The following SYT1 variants were observed in gnomAD, a reference collection of about 807,000 sequenced individuals.
The protein encoded by SYT1 is synaptotagmin 1.
Under a neutral mutation model 44.8 loss-of-function variants are expected in SYT1, and 8 were observed. That is an observed-to-expected ratio of 0.18 (90% CI 0.10 to 0.32). SYT1 has a LOEUF of 0.32. SYT1 is among the 10% of genes least tolerant of loss of function. The pLI is 1.00. For synonymous variants in SYT1, 154 were observed against 188.8 expected, an observed-to-expected ratio of 0.82 and a Z score of 1.51; for missense variants, 286 against 509.3, an observed-to-expected ratio of 0.56 and a Z score of 4.22.
At chr12:79,201,513 T>C (rs1382016216) in intron 3 of SYT1, among the ~76,000 whole-genome samples, 1 of 152,180 alleles carries the variant, frequency 6.6e-6, no homozygotes, top group Non-Finnish European at 1.5e-5. Flanking sequence ...TTCAAAATTA[T>C]AGGCTCAAAA....
intron 5 of SYT1, among the ~76,000 whole-genome samples, chr12:79,286,388 A>C (rs1188898320): frequency 6.6e-6 from 1 of 152,202 alleles, no homozygotes; most frequent in Non-Finnish European, 1.5e-5. Flanking sequence ...ACTGAGTTTT[A>C]CGGCTGTTCA....
At chr12:79,215,653 G>A (rs543398903) in intron 3 of SYT1, among the ~76,000 whole-genome samples, 6 of 152,096 alleles carry the variant, frequency 3.9e-5, no homozygotes, top group East Asian at 1.9e-4. Flanking sequence ...CTATGATCTC[G>A]CCACTGCTCT....
chr12:79,099,310 G>A (rs141074831), intron 3 of SYT1, among the ~76,000 whole-genome samples: 1 of 152,216 alleles, frequency 6.6e-6, no homozygotes, highest in Non-Finnish European at 1.5e-5. Flanking sequence ...TAAAAGAGAA[G>A]CTTTAGCACA....
chr12:79,237,348 G>A (rs1057384886), intron 4 of SYT1, among the ~76,000 whole-genome samples: 2 of 152,114 alleles, frequency 1.3e-5, no homozygotes, highest in African/African-American at 2.4e-5. Context: ...AAATAAAGTG[G>A]ATATATGTTA....
At chr12:79,270,385 T>C (rs563925723) in intron 4 of SYT1, among the ~76,000 whole-genome samples, 3 of 152,142 alleles carry the variant, frequency 2.0e-5, no homozygotes, top group Non-Finnish European at 2.9e-5. Flanking sequence ...TAGAGATATG[T>C]TGAAGGTAGA....
At chr12:79,334,101 G>A (rs1484795137) in intron 8 of SYT1, among the ~76,000 whole-genome samples, 1 of 152,094 alleles carries the variant, frequency 6.6e-6, no homozygotes, top group Non-Finnish European at 1.5e-5. Flanking sequence ...TATACGCTAT[G>A]TGCTAGGCAG....
intron 9 of SYT1, among the ~76,000 whole-genome samples, chr12:79,386,007 G>A (rs1315917011): frequency 6.6e-6 from 1 of 152,166 alleles, no homozygotes; most frequent in South Asian, 2.1e-4. Flanking sequence ...TGGCAGTGCT[G>A]GTGAATATCA....
At chr12:79,312,076 T>C (rs1044375084) in intron 8 of SYT1, among the ~76,000 whole-genome samples, 5 of 152,008 alleles carry the variant, frequency 3.3e-5, no homozygotes, top group Non-Finnish European at 7.4e-5. Context: ...AGGAATTAGT[T>C]TGGGGAAAAT....
chr12:79,300,789 T>TTTTATATATATATATATATATATATA (rs1490670835), intron 8 of SYT1, among the ~76,000 whole-genome samples: 31 of 89,586 alleles, frequency 3.5e-4, no homozygotes, highest in Non-Finnish European at 5.5e-4. Context: ...TGTATACTTA[T>TTTTATATATATATATATATATATATA]TATATATATA....
At chr12:79,325,136 T>C (rs922557401) in intron 8 of SYT1, among the ~76,000 whole-genome samples, 3 of 152,188 alleles carry the variant, frequency 2.0e-5, no homozygotes, top group African/African-American at 7.2e-5. Context: ...TTCAAGTATC[T>C]TCCCAGGAAA....
intron 3 of SYT1, among the ~76,000 whole-genome samples, chr12:79,186,362 G>C (rs1289874530): frequency 6.6e-6 from 1 of 151,848 alleles, no homozygotes; most frequent in Non-Finnish European, 1.5e-5. Flanking sequence ...GAAAACCTGG[G>C]TTCTAGTCTT....
chr12:78,982,974 C>G (rs964184703), intron 2 of SYT1, among the ~76,000 whole-genome samples: 1 of 151,990 alleles, frequency 6.6e-6, no homozygotes, highest in African/African-American at 2.4e-5. Context: ...AGACTACCTT[C>G]TAGTAGAGAG....
chr12:79,338,985 AAAC>A (rs1882228868), intron 8 of SYT1, among the ~76,000 whole-genome samples: 1 of 152,168 alleles, frequency 6.6e-6, no homozygotes, highest in Non-Finnish European at 1.5e-5. Context: ...ATGTCACTAC[AAAC>A]AACATGAATT....
At chr12:79,293,137 C>A (rs1433694920) in intron 6 of SYT1, among the ~76,000 whole-genome samples, 2 of 147,876 alleles carry the variant, frequency 1.4e-5, no homozygotes, top group African/African-American at 5.0e-5. Context: ...ACGGTGAAAC[C>A]CTGTCTCTAC....
chr12:79,153,779 G>A (rs1268195908), intron 3 of SYT1, among the ~76,000 whole-genome samples: 1 of 151,972 alleles, frequency 6.6e-6, no homozygotes, highest in Non-Finnish European at 1.5e-5. Context: ...TCATTACGAT[G>A]GTGCTATTTT....
intron 9 of SYT1, among the ~76,000 whole-genome samples, chr12:79,441,728 G>A (rs931364294): frequency 6.6e-5 from 10 of 152,124 alleles, no homozygotes; most frequent in Non-Finnish European, 1.0e-4. Flanking sequence ...CTAAGTTAAC[G>A]CTTTGACCTC....
At chr12:79,013,283 A>C (rs897123235) in intron 2 of SYT1, among the ~76,000 whole-genome samples, 2 of 152,050 alleles carry the variant, frequency 1.3e-5, no homozygotes, top group Admixed American at 6.6e-5. Context: ...TAGGTATTTC[A>C]TAAGTATTTG....
intron 4 of SYT1, among the ~76,000 whole-genome samples, chr12:79,221,560 T>G (rs190622741): frequency 5.3e-4 from 80 of 152,290 alleles, no homozygotes; most frequent in African/African-American, 1.8e-3. Context: ...TTTCATTTTT[T>G]GTATATCAGC....
At chr12:78,879,815 G>T (rs1380594052) in intron 1 of SYT1, among the ~76,000 whole-genome samples, 2 of 151,578 alleles carry the variant, frequency 1.3e-5, no homozygotes, top group Non-Finnish European at 3.0e-5. Flanking sequence ...TTGTTCCTTT[G>T]TTCTGATACT....
Sources: allele counts gnomAD v4.1 joint callset (sites outside exome capture counted in the v4.1 genomes callset), GRCh38; gene constraint gnomAD v4.1.1; transcripts MANE v1.5; gene names NCBI Gene and HGNC (gene_info 2026-07-23, HGNC 2026-07-21).